The following TMTC4 variants were observed in gnomAD, a reference collection of about 807,000 sequenced individuals.
TMTC4 encodes the protein protein O-mannosyl-transferase TMTC4.
TMTC4 carries 65 observed loss-of-function variants against 86.0 expected under a neutral mutation model. The ratio of observed to expected loss-of-function variants is 0.76; its 90% CI spans 0.62 to 0.93. TMTC4 has a LOEUF of 0.93. Among genes scored for constraint, TMTC4 ranks in the 40% least tolerant of loss-of-function variants. The pLI is 0.00. For synonymous variants in TMTC4, 379 were observed against 382.5 expected (o/e 0.99, Z 0.11); for missense variants, 866 against 948.1 (o/e 0.91, Z 1.14).
intron 9 of TMTC4, 44 bp from the exon 10 acceptor site, chr13:100,636,778 T>TA (rs1882282722): frequency 6.2e-7 from 1 of 1,602,258 alleles, no homozygotes; most frequent in African/African-American, 1.3e-5. Flanking sequence ...ATACTGAACT[T>TA]AAAAAACACA....
chr13:100,668,117 GAGA>G (rs1566648195), intron 3 of TMTC4, among the ~76,000 whole-genome samples: 2 of 152,128 alleles, frequency 1.3e-5, no homozygotes, highest in East Asian at 1.9e-4. Context: ...GACAGTCTCG[GAGA>G]AGGACAAAGC....
At chr13:100,617,498 G>GT (rs1878693839) in intron 15 of TMTC4, among the ~76,000 whole-genome samples, 1 of 152,148 alleles carries the variant, frequency 6.6e-6, no homozygotes, top group Non-Finnish European at 1.5e-5. Flanking sequence ...TTGAGTTAAT[G>GT]TTTGTGTTTT....
intron 12 of TMTC4, among the ~76,000 whole-genome samples, chr13:100,626,703 G>C (rs1223341399): frequency 6.6e-6 from 1 of 152,148 alleles, no homozygotes; most frequent in Non-Finnish European, 1.5e-5. Flanking sequence ...CTAGTCACAT[G>C]TGGACATGAG....
rs114213222 is a variant in TMTC4 at position 100,626,837 on chromosome 13, T to C, written c.1507-687A>G. Among the ~76,000 whole-genome samples the C allele has an allele frequency of 5.4e-3, 824 of 152,336 alleles. 5 individuals carry two copies. The highest frequency in any genetic ancestry group is 0.019 in the South Asian group (91 of 4,832). On this transcript the variant is annotated intron_variant, in intron 12 of 18. Transcript: ENST00000342624. ...GTATCTGTAATAAGCAGAATGTTTA[T>C]GGACTCTCAAAATTCAGATGTTGAA... is the stretch of plus-strand genomic sequence containing the variant.
rs760438061 is a variant in TMTC4, at chr13:100,656,477, AG to A, written c.553-10del. ...CCGACAACACCAGCAACCTTAAAAA[AG>A]GGGGAAGAAAACAAAGAATTACATA... On this transcript the variant is annotated splice_polypyrimidine_tract_variant and intron_variant, in intron 5 of 18. Coordinates refer to ENST00000342624, the MANE Select transcript of TMTC4 (RefSeq NM_032813.5). The A allele has an allele frequency of 6.3e-7, 1 of 1,595,880 alleles. No individual in the cohort carries two copies.
At chr13:100,648,581 C>T (rs1343393595) in intron 6 of TMTC4, among the ~76,000 whole-genome samples, 1 of 152,160 alleles carries the variant, frequency 6.6e-6, no homozygotes, top group Non-Finnish European at 1.5e-5. Flanking sequence ...ATGTTTGTAT[C>T]CAGCTCTGTC....
chr13:100,670,428 A>G lies in TMTC4; in HGVS notation c.-66T>C. 1.3e-6 allele frequency: 2 copies of G among 1,547,106 alleles called. No individual in the cohort carries two copies. Among genetic ancestry groups the G allele is most frequent in the Non-Finnish European group, 1.8e-6 (2 of 1,140,420 alleles). The stretch of plus-strand genomic sequence containing the variant: ...CTCAGATTTACAATCCAGAGATGAA[A>G]CAGGCCGCAACTCTTCCACTGCTTG... On this transcript the variant is annotated 5_prime_UTR_variant, in exon 2 of 19. Coordinates refer to ENST00000342624, the MANE Select transcript of TMTC4 (RefSeq NM_032813.5).
chr13:100,633,312 GAA>G lies in TMTC4; in HGVS notation c.1506+1491_1506+1492del, dbSNP rs10523073. The stretch of plus-strand genomic sequence containing the variant: ...CAACAGAGCAAGACTCCATCTCAGG[GAA>G]AAAAAAAAAAAAAAAAAAAAAAAAA... On this transcript the variant is annotated intron_variant, in intron 12 of 18. Transcript: ENST00000342624. Among the ~76,000 whole-genome samples the G allele has an allele frequency of 6.9e-3, 550 of 79,444 alleles. 4 individuals carry two copies. The highest frequency in any genetic ancestry group is 0.022 in the African/African-American group (449 of 20,740). The allele number at this position is 79,444 out of a possible 152,430, so 52.1% of individuals were successfully genotyped here.
chr13:100,637,626 T>C lies in TMTC4; in HGVS notation c.911A>G (p.Tyr304Cys), dbSNP rs201541146. Residue 304 changes from tyrosine to cysteine, a missense_variant, in exon 9 of 19, where the codon TAC (tyrosine) becomes TGC (cysteine). Tyr to Cys is a radical substitution (Grantham distance 194, BLOSUM62 -2). Transcript: ENST00000342624. ...LLTSGGAGML[Y>C]VRWRIMGTGP... ...CGTGCCCATGATCCTCCAGCGCACGTAGAGCATCCCAGCCCCTCCAGAGGT... is the reference window on the plus strand; with the variant it reads ...CGTGCCCATGATCCTCCAGCGCACGCAGAGCATCCCAGCCCCTCCAGAGGT... The C allele has an allele frequency of 4.3e-6, 7 of 1,614,134 alleles. No individual in the cohort carries two copies. The highest frequency in any genetic ancestry group is 2.2e-5 in the South Asian group (2 of 91,076).
chr13:100,630,059 GTGTGTGTA>G lies in TMTC4; in HGVS notation c.1507-3917_1507-3910del, dbSNP rs1566588577. ...TGTGTGTGTGTGTGTGTGTGTGTGT[GTGTGTGTA>G]TGTGTGTGTGTGTGTTTATAGCAGC... On this transcript the variant is annotated intron_variant, in intron 12 of 18. Transcript: ENST00000342624. Among the ~76,000 whole-genome samples, 707 of 142,360 alleles carry G rather than the reference GTGTGTGTA, an allele frequency of 5.0e-3. 4 individuals are homozygous for G. The highest frequency in any genetic ancestry group is 0.016 in the African/African-American group (635 of 39,488). The allele number at this position is 142,360 out of a possible 152,430, so 93.4% of individuals were successfully genotyped here.
intron 5 of TMTC4, among the ~76,000 whole-genome samples, chr13:100,661,278 TGAGA>T (rs1291701645): frequency 6.6e-6 from 1 of 152,150 alleles, no homozygotes; most frequent in Non-Finnish European, 1.5e-5. Flanking sequence ...TGCGTGTGTG[TGAGA>T]GAGAATGTGT....
intron 15 of TMTC4, among the ~76,000 whole-genome samples, chr13:100,621,714 C>A (rs1016084243): frequency 6.6e-6 from 1 of 152,308 alleles, no homozygotes; most frequent in East Asian, 1.9e-4. Context: ...CGTGAGCCAC[C>A]GCGCCCAACC....
At position 100,612,386 on chromosome 13, in the gene TMTC4, C is replaced by A. The variant is rs369371445; in HGVS notation, c.2064+12G>T. 21 of 1,582,012 alleles carry A rather than the reference C, an allele frequency of 1.3e-5. No homozygotes were observed. Among genetic ancestry groups the A allele is most frequent in the African/African-American group, 4.1e-5 (3 of 73,536 alleles). ...ACTAACTGCAAGAACTCACAGCCTG[C>A]GGTTTACGCACCTTGTATTTCTGGG... On this transcript the variant is annotated intron_variant, in intron 17 of 18. Coordinates refer to ENST00000342624, the MANE Select transcript of TMTC4 (RefSeq NM_032813.5).
intron 2 of TMTC4, 34 bp from the exon 3 acceptor site, chr13:100,668,828 C>T (rs1477928943): frequency 1.9e-6 from 3 of 1,607,156 alleles, no homozygotes; most frequent in Admixed American, 1.7e-5. Context: ...AAATATTCAT[C>T]AACACTGGTA....
intron 5 of TMTC4, among the ~76,000 whole-genome samples, chr13:100,657,643 C>T (rs1885270333): frequency 6.6e-6 from 1 of 152,130 alleles, no homozygotes; most frequent in Non-Finnish European, 1.5e-5. Flanking sequence ...CTGTGATTGT[C>T]CAGGTATCGC....
chr13:100,674,948 G>A (rs571366508), upstream of TMTC4: 5 of 985,484 alleles, frequency 5.1e-6, no homozygotes, highest in African/African-American at 8.7e-5. Context: ...ACCATTGGCT[G>A]CTGCTCCCGT....
chr13:100,651,112 C>G (rs561089407), intron 6 of TMTC4, among the ~76,000 whole-genome samples: 49 of 152,312 alleles, frequency 3.2e-4, no homozygotes, highest in African/African-American at 1.2e-3. Flanking sequence ...CCATCCCCCT[C>G]TGGAAAAGAC....
intron 15 of TMTC4, among the ~76,000 whole-genome samples, chr13:100,618,060 T>C (rs1041827399): frequency 6.6e-6 from 1 of 152,240 alleles, no homozygotes; most frequent in African/African-American, 2.4e-5. Context: ...CCTCCTTGAT[T>C]AGCTGAATTC....
At chr13:100,662,639 T>C (rs939420282) in intron 5 of TMTC4, among the ~76,000 whole-genome samples, 4 of 152,164 alleles carry the variant, frequency 2.6e-5, no homozygotes, top group Admixed American at 2.0e-4. Flanking sequence ...ATCCGTGCCT[T>C]CACAGCTGGT....
Sources: allele counts gnomAD v4.1 joint callset (sites outside exome capture counted in the v4.1 genomes callset), GRCh38; gene constraint gnomAD v4.1.1; transcripts MANE v1.5; gene names NCBI Gene and HGNC (gene_info 2026-07-23, HGNC 2026-07-21).